The following SOX13 variants were observed in gnomAD, a reference collection of about 807,000 sequenced individuals.
The protein encoded by SOX13 is SRY-box transcription factor 13, also known as transcription factor SOX-13.
SOX13 carries 28 observed loss-of-function variants against 71.8 expected under a neutral mutation model. That is an observed-to-expected ratio of 0.39 (90% CI 0.29 to 0.53). The LOEUF (loss-of-function observed/expected upper bound fraction) is 0.53. SOX13 is among the 20% of genes least tolerant of loss of function. SOX13 has a pLI of 0.70. For missense variants in SOX13, 627 were observed against 810.3 expected (o/e 0.77, Z 2.75); for synonymous variants, 309 against 317.8 (o/e 0.97, Z 0.29).
intron 1 of SOX13, among the ~76,000 whole-genome samples, chr1:204,101,809 C>A (rs1571578941): frequency 6.6e-6 from 1 of 152,156 alleles, no homozygotes; most frequent in Non-Finnish European, 1.5e-5. Context: ...ATTTTCCACC[C>A]TTCACCTCCT....
chr1:204,111,970 T>G (rs911774638), intron 1 of SOX13, among the ~76,000 whole-genome samples: 1 of 152,230 alleles, frequency 6.6e-6, no homozygotes, highest in Non-Finnish European at 1.5e-5. Flanking sequence ...TAATACTTGG[T>G]TTCCTTTTTG....
chr1:204,095,910 G>A (rs1370840836), intron 1 of SOX13, among the ~76,000 whole-genome samples: 1 of 152,128 alleles, frequency 6.6e-6, no homozygotes, highest in East Asian at 1.9e-4. Flanking sequence ...CACATAAGTA[G>A]ACACATACAA....
At position 204,123,678 on chromosome 1, in the gene SOX13, G is replaced by C. The variant is rs772429096; in HGVS notation, c.1249G>C (p.Glu417Gln). ...TCTCCCAGGCTCCCGCCACTTCCCC[G>C]AGTCCCGAAACAGCAGCCACATCAA... The part of the protein sequence containing the change: ...CDMDGSRHFP[E>Q]SRNSSHIKRP... The change falls in exon 12 of 14, where the codon GAG becomes CAG. Residue 417 changes from glutamate (E) to glutamine (Q), a missense_variant. Glu to Gln is a conservative substitution (Grantham distance 29). Transcript: ENST00000367204. This position sits in a 1 kb window ranked among gnomAD's most constrained non-coding sequence, Gnocchi z 5.0. 6.2e-7 allele frequency: 1 copy of C among 1,613,898 alleles called. No individual in the cohort carries two copies. Among genetic ancestry groups the C allele is most frequent in the South Asian group, 1.1e-5 (1 of 91,062 alleles).
chr1:204,117,750 C>A, intron 7 of SOX13, 43 bp downstream of exon 7: 1 of 1,406,808 alleles, frequency 7.1e-7, no homozygotes, highest in East Asian at 2.4e-5. Flanking sequence ...GCCAGCCTGT[C>A]CTGAGGTCAG....
intron 4 of SOX13, among the ~76,000 whole-genome samples, chr1:204,115,645 G>A (rs1279339707): frequency 6.9e-6 from 1 of 144,700 alleles, no homozygotes; most frequent in Non-Finnish European, 1.5e-5. Flanking sequence ...GCATATATTA[G>A]CGCTTCTTCT....
intron 1 of SOX13, among the ~76,000 whole-genome samples, chr1:204,104,146 G>T (rs1219110689): frequency 6.6e-6 from 1 of 152,210 alleles, no homozygotes; most frequent in Non-Finnish European, 1.5e-5. Flanking sequence ...CTGTGGGGAA[G>T]TGCCTCTTCT....
At chr1:204,096,342 C>T (rs767708674) in intron 1 of SOX13, among the ~76,000 whole-genome samples, 20 of 147,326 alleles carry the variant, frequency 1.4e-4, no homozygotes, top group African/African-American at 4.3e-4. Flanking sequence ...TGGGCTCAAG[C>T]GATCCTCCCA....
intron 2 of SOX13, among the ~76,000 whole-genome samples, chr1:204,114,048 C>G (rs1254126062): frequency 6.6e-6 from 1 of 152,214 alleles, no homozygotes; most frequent in Non-Finnish European, 1.5e-5. Flanking sequence ...AGAGGGAAGT[C>G]AGGTTCAGAG....
intron 1 of SOX13, among the ~76,000 whole-genome samples, chr1:204,079,294 CA>C (rs998934366): frequency 6.8e-6 from 1 of 147,898 alleles, no homozygotes; most frequent in African/African-American, 2.5e-5. Flanking sequence ...AACAAACAAA[CA>C]AAAAAAAGAT....
chr1:204,084,777 C>T (rs887237066), intron 1 of SOX13, among the ~76,000 whole-genome samples: 4 of 104,970 alleles, frequency 3.8e-5, no homozygotes, highest in African/African-American at 1.7e-4. Flanking sequence ...AGATTCACCC[C>T]CTTGCCTCTC....
At chr1:204,080,357 A>G (rs535390601) in intron 1 of SOX13, among the ~76,000 whole-genome samples, 1 of 152,254 alleles carries the variant, frequency 6.6e-6, no homozygotes, top group South Asian at 2.1e-4. Context: ...GGACATGTCC[A>G]AGCTAGGGTG....
intron 4 of SOX13, among the ~76,000 whole-genome samples, chr1:204,115,517 C>A (rs1326387567): frequency 9.8e-6 from 1 of 101,820 alleles, no homozygotes; most frequent in Non-Finnish European, 1.9e-5. Context: ...AAAAAAAGGT[C>A]TATGGCCAGG....
rs200617457 is a variant in SOX13 at position 204,123,810 on chromosome 1, G to T, written c.1375+6G>T. 17 of 1,614,062 alleles carry T rather than the reference G, an allele frequency of 1.1e-5. No individual in the cohort carries two copies. Among genetic ancestry groups the T allele is most frequent in the Non-Finnish European group, 8.5e-7 (1 of 1,179,960 alleles). ...CAGCATCAGCAAGATCCTTGGTAAG[G>T]GCCAGTGGCTGGGGCCATGGTTCAG... is the stretch of plus-strand genomic sequence containing the variant. On this transcript the variant is annotated splice_donor_region_variant and intron_variant, in intron 12 of 13. Coordinates refer to ENST00000367204, the MANE Select transcript of SOX13 (RefSeq NM_005686.3). This position sits in a 1 kb window ranked among gnomAD's most constrained non-coding sequence, Gnocchi z 5.0.
intron 1 of SOX13, among the ~76,000 whole-genome samples, chr1:204,089,915 T>G (rs1656106706): frequency 6.6e-6 from 1 of 152,186 alleles, no homozygotes; most frequent in Admixed American, 6.5e-5. Flanking sequence ...AGCTACATCA[T>G]CTAGTCTTCA....
chr1:204,106,624 A>G (rs1271147835), intron 1 of SOX13, among the ~76,000 whole-genome samples: 1 of 151,568 alleles, frequency 6.6e-6, no homozygotes, highest in Non-Finnish European at 1.5e-5. Context: ...GGTTCAAGCA[A>G]TTCTCCTGCC....
chr1:204,074,097 A>C (rs1054705526), intron 1 of SOX13: 1 of 151,936 alleles, frequency 6.6e-6, no homozygotes, highest in African/African-American at 2.4e-5. Flanking sequence ...CTTTCTCATC[A>C]GCCCGACTAT....
intron 1 of SOX13, among the ~76,000 whole-genome samples, chr1:204,097,770 G>A: frequency 6.6e-6 from 1 of 151,500 alleles, no homozygotes; most frequent in African/African-American, 2.4e-5. Flanking sequence ...CAGAAAAAAA[G>A]ATTTGATAGA....
At chr1:204,124,585 T>G (rs1039629265) in intron 12 of SOX13, 56 bp from the exon 13 acceptor site, 98 of 1,469,786 alleles carry the variant, frequency 6.7e-5, no homozygotes, top group Non-Finnish European at 8.8e-5. Flanking sequence ...TGCATGGGGC[T>G]GGGGGTGGTC....
At chr1:204,119,184 A>G (rs61825746) in intron 7 of SOX13, 10,384 of 152,356 alleles carry the variant, frequency 0.068, 509 homozygotes, top group African/African-American at 0.14. Flanking sequence ...TGTGCCGGGC[A>G]CTGTAGGGTG....
Sources: allele counts gnomAD v4.1 joint callset (sites outside exome capture counted in the v4.1 genomes callset), GRCh38; gene constraint gnomAD v4.1.1; non-coding constraint Gnocchi (gnomAD v3.1); transcripts MANE v1.5; gene names NCBI Gene and HGNC (gene_info 2026-07-23, HGNC 2026-07-21).